The following AUTS2 variants were observed in gnomAD, a reference collection of about 807,000 sequenced individuals.
AUTS2 encodes autism susceptibility gene 2 protein.
Under a neutral mutation model 112.4 loss-of-function variants are expected in AUTS2, and 17 were observed. The observed-to-expected ratio is 0.15, with a 90% CI of 0.10 to 0.23. AUTS2 has a LOEUF of 0.23. Ranked by LOEUF, AUTS2 falls within the 10% of genes least tolerant of loss-of-function variation. The pLI, the probability that AUTS2 is intolerant of heterozygous loss-of-function variation, is 1.00. For synonymous variants in AUTS2, 751 were observed against 702.7 expected, an observed-to-expected ratio of 1.07 and a Z score of -1.09; for missense variants, 1,510 against 1,701.6, an observed-to-expected ratio of 0.89 and a Z score of 1.98.
intron 5 of AUTS2, among the ~76,000 whole-genome samples, chr7:70,473,538 A>G (rs1797468964): frequency 6.6e-6 from 1 of 152,198 alleles, no homozygotes; most frequent in South Asian, 2.1e-4. Context: ...ATGAAATGGC[A>G]TGAATCTGAC....
At chr7:70,307,044 T>C (rs778934506) in intron 4 of AUTS2, among the ~76,000 whole-genome samples, 5 of 152,226 alleles carry the variant, frequency 3.3e-5, no homozygotes, top group Non-Finnish European at 5.9e-5. Context: ...GAACCTTGCC[T>C]CATTGTATAA....
intron 6 of AUTS2, among the ~76,000 whole-genome samples, chr7:70,715,652 C>T (rs1273137830): frequency 1.3e-5 from 2 of 152,164 alleles, no homozygotes; most frequent in African/African-American, 4.8e-5. Context: ...CTGCCTTGGC[C>T]TCCCAAGTAG....
At chr7:70,435,519 G>A (rs866597054) in intron 4 of AUTS2, among the ~76,000 whole-genome samples, 1 of 152,174 alleles carries the variant, frequency 6.6e-6, no homozygotes, top group African/African-American at 2.4e-5. Flanking sequence ...ACAGAGTACA[G>A]GCATCAGATG....
At position 69,731,729 on chromosome 7, in the gene AUTS2, C is replaced by T. The variant is rs935550926; in HGVS notation, c.309+131767C>T. ...GTGTATACTCAGTTGGCATTTGTCA[C>T]GTATCTTCATGCCAGTGTCTTTGTA... On this transcript the variant is annotated intron_variant, in intron 1 of 18. Coordinates refer to ENST00000342771, the MANE Select transcript of AUTS2 (RefSeq NM_015570.4). Among the ~76,000 whole-genome samples, 7 of 152,274 alleles carry T rather than the reference C, an allele frequency of 4.6e-5. No homozygotes were observed. In the South Asian group the frequency reaches 1.2e-3, roughly 27 times the overall value.
intron 4 of AUTS2, among the ~76,000 whole-genome samples, chr7:70,432,726 G>C (rs997915897): frequency 6.6e-6 from 1 of 152,182 alleles, no homozygotes; most frequent in Non-Finnish European, 1.5e-5. Flanking sequence ...CATAATTTAT[G>C]AGCTGGAGGG....
At chr7:70,218,052 A>G (rs1044436139) in intron 4 of AUTS2, among the ~76,000 whole-genome samples, 9 of 152,266 alleles carry the variant, frequency 5.9e-5, no homozygotes, top group Non-Finnish European at 1.2e-4. Context: ...AAGATGCAGC[A>G]AGATGGTCTG....
chr7:70,458,239 T>C (rs917354528), intron 5 of AUTS2, among the ~76,000 whole-genome samples: 9 of 152,194 alleles, frequency 5.9e-5, no homozygotes, highest in African/African-American at 1.9e-4. Flanking sequence ...CCTCGTATAA[T>C]TTAACCTGCC....
intron 4 of AUTS2, among the ~76,000 whole-genome samples, chr7:70,259,986 T>C (rs1373380742): frequency 1.3e-5 from 2 of 152,222 alleles, no homozygotes; most frequent in South Asian, 2.1e-4. Context: ...GCCATTTTCT[T>C]ACGAAGTTTT....
At chr7:70,488,865 G>A (rs555579412) in intron 5 of AUTS2, among the ~76,000 whole-genome samples, 82 of 152,310 alleles carry the variant, frequency 5.4e-4, no homozygotes, top group African/African-American at 1.9e-3. Flanking sequence ...CAGCCACGTA[G>A]CTGACTCTGC....
At chr7:70,684,272 G>A (rs1808345834) in intron 5 of AUTS2, among the ~76,000 whole-genome samples, 2 of 152,166 alleles carry the variant, frequency 1.3e-5, no homozygotes, top group Non-Finnish European at 2.9e-5. Flanking sequence ...TAGAAGGATG[G>A]ACTAACATGC....
At chr7:70,251,701 C>T (rs1486505566) in intron 4 of AUTS2, among the ~76,000 whole-genome samples, 5 of 152,082 alleles carry the variant, frequency 3.3e-5, no homozygotes, top group Admixed American at 6.5e-5. Flanking sequence ...TTCCAGTTTG[C>T]TTGTTGGCTC....
At chr7:70,516,892 G>A (rs549034021) in intron 5 of AUTS2, among the ~76,000 whole-genome samples, 1 of 151,946 alleles carries the variant, frequency 6.6e-6, no homozygotes, top group East Asian at 1.9e-4. Context: ...ATTTTACATT[G>A]TTTGATCATC....
At chr7:70,167,555 C>T (rs765497044) in intron 4 of AUTS2, among the ~76,000 whole-genome samples, 1 of 152,170 alleles carries the variant, frequency 6.6e-6, no homozygotes, top group East Asian at 1.9e-4. Context: ...GCAACACTAC[C>T]GGTCACCTTG....
rs910262076 is a variant in AUTS2 at position 69,705,308 on chromosome 7, G to A, written c.309+105346G>A. Among the ~76,000 whole-genome samples, 8 of 152,138 alleles carry A rather than the reference G, an allele frequency of 5.3e-5. No individual in the cohort carries two copies. In the East Asian group the frequency reaches 1.3e-3, roughly 26 times the overall value. ...ATTTAGCCTGATAGTGTAAATACTA[G>A]TACTACTACTACCTAGTGCTAGTAC... On this transcript the variant is annotated intron_variant, in intron 1 of 18. Transcript: ENST00000342771.
chr7:69,688,331 A>G (rs1053557265), intron 1 of AUTS2, among the ~76,000 whole-genome samples: 3 of 152,214 alleles, frequency 2.0e-5, no homozygotes, highest in African/African-American at 7.2e-5. Context: ...AGGTGCTGGA[A>G]TAAAATGTCT....
chr7:69,730,829 T>C (rs560653628), intron 1 of AUTS2, among the ~76,000 whole-genome samples: 1 of 152,306 alleles, frequency 6.6e-6, no homozygotes, highest in Non-Finnish European at 1.5e-5. Flanking sequence ...ACCATGCTAT[T>C]ACCTGCAGAC....
chr7:69,932,967 C>T (rs1290396337), intron 2 of AUTS2, among the ~76,000 whole-genome samples: 1 of 152,124 alleles, frequency 6.6e-6, no homozygotes, highest in African/African-American at 2.4e-5. Context: ...AATTTCTGGA[C>T]ACATTTTGCC....
chr7:69,660,423 A>C (rs1019777341), intron 1 of AUTS2, among the ~76,000 whole-genome samples: 6 of 152,118 alleles, frequency 3.9e-5, no homozygotes, highest in African/African-American at 7.2e-5. Context: ...CTTCATGGTG[A>C]CAGCCTCCAG....
At chr7:70,514,870 C>T (rs763218084) in intron 5 of AUTS2, among the ~76,000 whole-genome samples, 13 of 152,116 alleles carry the variant, frequency 8.5e-5, no homozygotes, top group Non-Finnish European at 1.6e-4. Flanking sequence ...CTCACTATTC[C>T]GATCATTTGG....
Sources: gnomAD v4.1 joint callset for allele counts (sites outside exome capture counted in the v4.1 genomes callset) on GRCh38, gnomAD v4.1.1 for gene constraint, MANE v1.5 for transcripts, NCBI Gene and HGNC (gene_info 2026-07-23, HGNC 2026-07-21) for gene names.